Variants in ETV6 observed in about 807,000 individuals in gnomAD.
ETV6 encodes ETS variant transcription factor 6, also known as transcription factor ETV6.
In ETV6, 16 loss-of-function variants were observed where a neutral mutation model predicts 51.1. The observed-to-expected ratio is 0.31, with a 90% CI of 0.21 to 0.48. ETV6 has a LOEUF of 0.48. Among genes scored for constraint, ETV6 ranks in the 20% least tolerant of loss-of-function variants. The probability of loss-of-function intolerance (pLI) is 0.99; values close to 1 mark genes in which losing one functional copy is unlikely to be tolerated. For missense variants in ETV6, 458 were observed against 594.8 expected, an observed-to-expected ratio of 0.77 and a Z score of 2.39; for synonymous variants, 240 against 224.1, an observed-to-expected ratio of 1.07 and a Z score of -0.64.
At chr12:11,884,675 CT>C (rs1947159376) in intron 6 of ETV6, 88 bp downstream of exon 6, 1 of 1,501,156 alleles carries the variant, frequency 6.7e-7, no homozygotes, top group Non-Finnish European at 9.1e-7. Flanking sequence ...CTGTCTTCTG[CT>C]TTTTACGTCT....
intron 3 of ETV6, among the ~76,000 whole-genome samples, chr12:11,848,342 G>T (rs920899960): frequency 2.0e-5 from 3 of 152,142 alleles, no homozygotes; most frequent in Admixed American, 2.0e-4. Context: ...TCAAACTTGG[G>T]ACTCCCTTGC....
At chr12:11,708,745 A>C (rs910892030) in intron 1 of ETV6, among the ~76,000 whole-genome samples, 2 of 152,210 alleles carry the variant, frequency 1.3e-5, no homozygotes, top group Non-Finnish European at 2.9e-5. Flanking sequence ...CCACTCAACC[A>C]ACCCTGCTTT....
chr12:11,749,049 T>G (rs567217278), intron 1 of ETV6, among the ~76,000 whole-genome samples: 1 of 152,122 alleles, frequency 6.6e-6, no homozygotes, highest in Non-Finnish European at 1.5e-5. Flanking sequence ...GTGCTTCCCT[T>G]TTGTTCAGCT....
chr12:11,736,214 G>A (rs973370094), intron 1 of ETV6, among the ~76,000 whole-genome samples: 6 of 152,140 alleles, frequency 3.9e-5, no homozygotes, highest in African/African-American at 1.4e-4. Context: ...TTTTACAAAG[G>A]TCTTCAGATC....
chr12:11,883,241 A>G (rs182535444), intron 5 of ETV6, among the ~76,000 whole-genome samples: 139 of 145,570 alleles, frequency 9.5e-4, no homozygotes, highest in African/African-American at 3.3e-3. Flanking sequence ...CCAGAAAGTC[A>G]TAGAACAAGG....
intron 1 of ETV6, among the ~76,000 whole-genome samples, chr12:11,694,937 A>C (rs908500962): frequency 6.6e-6 from 1 of 152,242 alleles, no homozygotes; most frequent in East Asian, 1.9e-4. Flanking sequence ...GTGATTTAAA[A>C]AAACAAAATT....
At chr12:11,876,016 A>G (rs1946976804) in intron 5 of ETV6, among the ~76,000 whole-genome samples, 1 of 152,188 alleles carries the variant, frequency 6.6e-6, no homozygotes, top group Admixed American at 6.5e-5. Flanking sequence ...TGTGCTTGGA[A>G]TCATAGGTGC....
intron 1 of ETV6, among the ~76,000 whole-genome samples, chr12:11,681,750 G>A (rs933341768): frequency 6.6e-6 from 1 of 152,280 alleles, no homozygotes; most frequent in African/African-American, 2.4e-5. Flanking sequence ...AGGCCCCAGT[G>A]TGTGATGTTC....
chr12:11,683,907 T>TC (rs139800654), intron 1 of ETV6, among the ~76,000 whole-genome samples: 9,785 of 152,144 alleles, frequency 0.064, 320 homozygotes, highest in Non-Finnish European at 0.078. Flanking sequence ...CTTTTTTTTT[T>TC]CTCTCCAAGA....
intron 1 of ETV6, among the ~76,000 whole-genome samples, chr12:11,735,086 CTTTT>C (rs58797937): frequency 2.6e-5 from 2 of 76,240 alleles, no homozygotes; most frequent in Non-Finnish European, 4.4e-5. Flanking sequence ...GCAAGGTGGC[CTTTT>C]TTTTTTTTTT....
intron 1 of ETV6, among the ~76,000 whole-genome samples, chr12:11,677,141 A>G (rs1166304083): frequency 1.3e-5 from 2 of 152,212 alleles, no homozygotes; most frequent in Non-Finnish European, 2.9e-5. Context: ...TTCTCTCTAC[A>G]AGGACACTGT....
At chr12:11,712,330 G>C (rs1418820395) in intron 1 of ETV6, among the ~76,000 whole-genome samples, 5 of 152,192 alleles carry the variant, frequency 3.3e-5, no homozygotes, top group African/African-American at 1.2e-4. Flanking sequence ...AATCTGGTCT[G>C]AGACTTAAGA....
At chr12:11,705,687 A>C (rs1363997819) in intron 1 of ETV6, among the ~76,000 whole-genome samples, 1 of 152,222 alleles carries the variant, frequency 6.6e-6, no homozygotes, top group Non-Finnish European at 1.5e-5. Context: ...AAAACAGCAC[A>C]TTATTTTTCG....
intron 2 of ETV6, among the ~76,000 whole-genome samples, chr12:11,778,723 A>G (rs555645916): frequency 6.6e-6 from 1 of 152,280 alleles, no homozygotes; most frequent in South Asian, 2.1e-4. Context: ...TCTTTCAAAC[A>G]CCATTAAATT....
chr12:11,735,747 C>T (rs866039280), intron 1 of ETV6, among the ~76,000 whole-genome samples: 12 of 152,110 alleles, frequency 7.9e-5, no homozygotes, highest in African/African-American at 2.2e-4. Flanking sequence ...TACAGGCGCC[C>T]GCCAGTACGC....
chr12:11,838,200 G>A (rs948162565), intron 2 of ETV6, among the ~76,000 whole-genome samples: 3 of 152,066 alleles, frequency 2.0e-5, no homozygotes, highest in East Asian at 1.9e-4. Context: ...GAATGAGAGC[G>A]AAAAAGGCAA....
chr12:11,667,696 A>ATTTTTTTTTT (rs34458275), intron 1 of ETV6, among the ~76,000 whole-genome samples: 3 of 72,970 alleles, frequency 4.1e-5, no homozygotes, highest in Non-Finnish European at 7.7e-5. Context: ...TACCTGGCTA[A>ATTTTTTTTTT]TTTTTTTTTT....
intron 3 of ETV6, among the ~76,000 whole-genome samples, chr12:11,850,095 C>A (rs536604023): frequency 6.6e-6 from 1 of 152,132 alleles, no homozygotes; most frequent in African/African-American, 2.4e-5. Flanking sequence ...CACCCGTAGC[C>A]GCCTCATGGA....
At chr12:11,844,278 T>TA (rs758510896) in intron 3 of ETV6, among the ~76,000 whole-genome samples, 104 of 152,240 alleles carry the variant, frequency 6.8e-4, no homozygotes, top group East Asian at 7.7e-4. Context: ...CTATCAATGC[T>TA]AAAAAAGGGA....
Sources: gnomAD v4.1 joint callset for allele counts (sites outside exome capture counted in the v4.1 genomes callset) on GRCh38, gnomAD v4.1.1 for gene constraint, MANE v1.5 for transcripts, NCBI Gene and HGNC (gene_info 2026-07-23, HGNC 2026-07-21) for gene names.